The following BBX variants were observed in gnomAD, a reference collection of about 807,000 sequenced individuals.
The protein encoded by BBX is HMG box transcription factor BBX.
A neutral mutation model predicts 100.2 loss-of-function variants in BBX; 30 were observed. The observed-to-expected ratio is 0.30, with a 90% CI of 0.22 to 0.41. BBX has a LOEUF of 0.41. BBX is among the 10% of genes least tolerant of loss of function. The pLI, the probability that BBX is intolerant of heterozygous loss-of-function variation, is 1.00. For missense variants in BBX, 1,023 were observed against 1,129.8 expected, an observed-to-expected ratio of 0.91 and a Z score of 1.35; for synonymous variants, 376 against 388.1, an observed-to-expected ratio of 0.97 and a Z score of 0.37.
At chr3:107,557,411 A>G (rs2050163926) in intron 2 of BBX, among the ~76,000 whole-genome samples, 2 of 152,338 alleles carry the variant, frequency 1.3e-5, no homozygotes, top group African/African-American at 2.4e-5. Flanking sequence ...GCTAATGACC[A>G]TTATTCACTG....
At chr3:107,621,034 G>A (rs984581238) in intron 2 of BBX, among the ~76,000 whole-genome samples, 12 of 152,042 alleles carry the variant, frequency 7.9e-5, no homozygotes, top group African/African-American at 2.4e-4. Flanking sequence ...TTATAACCTG[G>A]CCAGGGTAGA....
chr3:107,603,921 G>A (rs1051609142), intron 2 of BBX, among the ~76,000 whole-genome samples: 22 of 151,596 alleles, frequency 1.5e-4, no homozygotes, highest in Non-Finnish European at 3.2e-4. Flanking sequence ...CCTAATTTTT[G>A]TATGCACTGG....
chr3:107,744,817 C>T lies in BBX; in HGVS notation c.750+107C>T, dbSNP rs905225774. On this transcript the variant is annotated intron_variant, in intron 8 of 17. Transcript: ENST00000325805. ...CAATGAAGAACTCTACTCAGCTCAA[C>T]CATAAGTGGGAAAATAGAATCAAAT... is the stretch of plus-strand genomic sequence containing the variant. The T allele has an allele frequency of 5.8e-6, 5 of 861,234 alleles. No homozygotes were observed. In the African/African-American group the frequency reaches 6.7e-5, roughly 12 times the overall value. 53.3% of individuals were successfully genotyped at this position (861,234 alleles called of 1,614,324 possible).
intron 2 of BBX, among the ~76,000 whole-genome samples, chr3:107,617,789 G>T (rs1340657632): frequency 6.6e-6 from 1 of 151,942 alleles, no homozygotes; most frequent in Admixed American, 6.6e-5. Context: ...AGATGTTTTT[G>T]TAGATTCCTT....
At chr3:107,700,684 C>A (rs36153966) in intron 3 of BBX, among the ~76,000 whole-genome samples, 31,237 of 146,226 alleles carry the variant, frequency 0.21, 5,626 homozygotes, top group African/African-American at 0.49. Context: ...TGAGAACATG[C>A]GGTGTTTGGT....
chr3:107,696,581 A>G (rs1380753688), intron 3 of BBX, among the ~76,000 whole-genome samples: 3 of 151,866 alleles, frequency 2.0e-5, no homozygotes, highest in Non-Finnish European at 4.4e-5. Flanking sequence ...TTAGTCTGAT[A>G]GGCTTCCCTT....
intron 17 of BBX, among the ~76,000 whole-genome samples, chr3:107,802,853 T>C (rs2070664040): frequency 6.6e-6 from 1 of 152,222 alleles, no homozygotes; most frequent in Non-Finnish European, 1.5e-5. Flanking sequence ...TTGTACATCC[T>C]CTGATCAGGT....
chr3:107,604,551 A>G (rs993673796), intron 2 of BBX, among the ~76,000 whole-genome samples: 4 of 152,090 alleles, frequency 2.6e-5, no homozygotes, highest in African/African-American at 9.7e-5. Flanking sequence ...GAATACAGTA[A>G]AGCTGTAACT....
At chr3:107,583,923 T>C (rs2052471780) in intron 2 of BBX, among the ~76,000 whole-genome samples, 1 of 107,238 alleles carries the variant, frequency 9.3e-6, no homozygotes, top group South Asian at 2.3e-4. Flanking sequence ...TTATACTTTA[T>C]ATATAATATA....
intron 10 of BBX, among the ~76,000 whole-genome samples, chr3:107,758,600 A>G (rs1299641035): frequency 6.6e-6 from 1 of 151,970 alleles, no homozygotes; most frequent in Non-Finnish European, 1.5e-5. Flanking sequence ...AAACAACAAG[A>G]TACTTCCTAC....
chr3:107,714,411 GT>G (rs138222649), intron 4 of BBX, among the ~76,000 whole-genome samples: 20,880 of 151,914 alleles, frequency 0.14, 1,821 homozygotes, highest in South Asian at 0.28. Flanking sequence ...TGTTTATATG[GT>G]TTTTCCCCCT....
At chr3:107,708,688 A>T (rs1312365857) in intron 3 of BBX, among the ~76,000 whole-genome samples, 1 of 151,960 alleles carries the variant, frequency 6.6e-6, no homozygotes, top group Non-Finnish European at 1.5e-5. Context: ...AAAAAAAAAA[A>T]AATTAATCAG....
At chr3:107,706,539 G>A (rs549808905) in intron 3 of BBX, among the ~76,000 whole-genome samples, 1 of 152,168 alleles carries the variant, frequency 6.6e-6, no homozygotes, top group South Asian at 2.1e-4. Context: ...AGCATAATTT[G>A]ATGATGTTTA....
chr3:107,614,626 G>A (rs9868167), intron 2 of BBX, among the ~76,000 whole-genome samples: 19,107 of 152,166 alleles, frequency 0.13, 1,444 homozygotes, highest in Middle Eastern at 0.19. Context: ...ACATACTCAT[G>A]TCCTCCTATA....
intron 4 of BBX, among the ~76,000 whole-genome samples, chr3:107,715,859 G>T (rs1435776304): frequency 1.3e-5 from 2 of 152,310 alleles, no homozygotes; most frequent in East Asian, 1.9e-4. Flanking sequence ...GATAAAAGAG[G>T]ATTCAAAATT....
In BBX at chr3:107,750,066, T is replaced by G. The variant is rs1457673802; in HGVS notation, c.825+2027T>G. ...ATTCTGCAGGATGAGATCCCATGCC[T>G]TTCATAAACTAATTTGTCCTTGCTG... On this transcript the variant is annotated intron_variant, in intron 9 of 17. Transcript: ENST00000325805. Among the ~76,000 whole-genome samples, 6 of 152,338 alleles carry G rather than the reference T, an allele frequency of 3.9e-5. No individual in the cohort carries two copies. In the East Asian group the frequency reaches 1.2e-3, roughly 29 times the overall value.
At chr3:107,739,666 G>A (rs918559212) in intron 7 of BBX, among the ~76,000 whole-genome samples, 1 of 152,190 alleles carries the variant, frequency 6.6e-6, no homozygotes, top group African/African-American at 2.4e-5. Flanking sequence ...AGCTGGGCTC[G>A]AAAGAGAAGG....
intron 2 of BBX, among the ~76,000 whole-genome samples, chr3:107,545,849 T>C (rs988143110): frequency 1.3e-5 from 2 of 152,168 alleles, no homozygotes; most frequent in African/African-American, 4.8e-5. Context: ...GGGGCTTTCA[T>C]TTGGCTCAGT....
At chr3:107,801,884 T>G (rs2070528884) in intron 17 of BBX, among the ~76,000 whole-genome samples, 1 of 152,188 alleles carries the variant, frequency 6.6e-6, no homozygotes, top group African/African-American at 2.4e-5. Context: ...CTTCTGTGAT[T>G]TCCTACAAAG....
Sources: allele counts gnomAD v4.1 joint callset (sites outside exome capture counted in the v4.1 genomes callset), GRCh38; gene constraint gnomAD v4.1.1; transcripts MANE v1.5; gene names NCBI Gene and HGNC (gene_info 2026-07-23, HGNC 2026-07-21).